The following HDAC4 variants were observed in gnomAD, a reference collection of about 807,000 sequenced individuals.
The protein encoded by HDAC4 is histone deacetylase 4.
In HDAC4, 16 loss-of-function variants were observed where a neutral mutation model predicts 135.1. The ratio of observed to expected loss-of-function variants is 0.12; its 90% CI spans 0.08 to 0.18. The LOEUF is 0.18. HDAC4 is among the 10% of genes least tolerant of loss of function. The probability of loss-of-function intolerance (pLI) is 1.00; values close to 1 mark genes in which losing one functional copy is unlikely to be tolerated. For missense variants in HDAC4, 1,143 were observed against 1,511.8 expected, an observed-to-expected ratio of 0.76 and a Z score of 4.05; for synonymous variants, 685 against 653.4, an observed-to-expected ratio of 1.05 and a Z score of -0.74.
chr2:239,115,087 C>T lies in HDAC4; in HGVS notation c.1757G>A (p.Arg586His), dbSNP rs145994434. Residue 586 changes from arginine (R) to histidine (H), a missense_variant, in exon 13 of 27, where the codon CGC (arginine) becomes CAC (histidine). This residue lies in a region of HDAC4 where 196 missense variants were observed against 210.7 expected (regional missense o/e 0.93). Coordinates refer to ENST00000543185, the MANE Select transcript of HDAC4 (RefSeq NM_001378414.1). The surrounding 1 kb of genome is among the most constrained non-coding windows in gnomAD (Gnocchi z 6.3). The part of the protein sequence containing the change: ...EPPREVEPGQ[R>H]QPSEQELLFR... ...GAGCAGCTCCTGCTCACTGGGCTGGCGCTGGCCCGGCTCCACCTCCCGTGG... is the reference window on the plus strand; with the variant it reads ...GAGCAGCTCCTGCTCACTGGGCTGGTGCTGGCCCGGCTCCACCTCCCGTGG... The T allele has an allele frequency of 2.7e-5, 44 of 1,611,466 alleles. No homozygotes were observed. The highest frequency in any genetic ancestry group is 2.4e-4 in the African/African-American group (18 of 75,060).
chr2:239,333,039 A>G (rs532413616), intron 2 of HDAC4, among the ~76,000 whole-genome samples: 23 of 152,294 alleles, frequency 1.5e-4, no homozygotes, highest in Non-Finnish European at 2.8e-4. Flanking sequence ...AAACAGTCCT[A>G]TATCAGTTGA....
At chr2:239,118,299 G>A (rs910932366) in intron 12 of HDAC4, among the ~76,000 whole-genome samples, 22 of 152,344 alleles carry the variant, frequency 1.4e-4, no homozygotes, top group Non-Finnish European at 2.6e-4. Context: ...TCTCTAAACC[G>A]AAGGCAGCTT....
chr2:239,394,641 G>A (rs1031636358), intron 1 of HDAC4, among the ~76,000 whole-genome samples: 1 of 152,236 alleles, frequency 6.6e-6, no homozygotes, highest in African/African-American at 2.4e-5. Context: ...TCAGGACCAA[G>A]AAGTTCCCAG....
intron 19 of HDAC4, among the ~76,000 whole-genome samples, chr2:239,085,467 C>T (rs527509745): frequency 4.6e-5 from 7 of 152,194 alleles, no homozygotes; most frequent in Non-Finnish European, 4.4e-5. Context: ...GCTCCTGCAG[C>T]GGCTCACGGG....
At chr2:239,109,224 G>C (rs1301974941) in intron 14 of HDAC4, among the ~76,000 whole-genome samples, 1 of 152,228 alleles carries the variant, frequency 6.6e-6, no homozygotes, top group Non-Finnish European at 1.5e-5. Context: ...GTGAACAGAC[G>C]CCTTCCGCAG....
intron 1 of HDAC4, among the ~76,000 whole-genome samples, chr2:239,370,101 G>C (rs892710928): frequency 6.6e-6 from 1 of 152,264 alleles, no homozygotes; most frequent in African/African-American, 2.4e-5. Context: ...CGTCTGCCCT[G>C]TGTCCCCGGG....
At chr2:239,359,520 G>C (rs1348467113) in intron 1 of HDAC4, among the ~76,000 whole-genome samples, 3 of 152,230 alleles carry the variant, frequency 2.0e-5, no homozygotes, top group Non-Finnish European at 4.4e-5. Context: ...CTGGGGTCGG[G>C]TCTAGGATAG....
At chr2:239,102,020 G>A (rs1324165636) in intron 16 of HDAC4, among the ~76,000 whole-genome samples, 3 of 144,666 alleles carry the variant, frequency 2.1e-5, no homozygotes, top group Non-Finnish European at 4.6e-5. Flanking sequence ...GGAAGCCCCC[G>A]GCCCCGGGTC....
chr2:239,385,077 T>A (rs1695696799), intron 1 of HDAC4, among the ~76,000 whole-genome samples: 1 of 152,144 alleles, frequency 6.6e-6, no homozygotes, highest in African/African-American at 2.4e-5. Context: ...TTCCCTTCCA[T>A]CTTGGCTCTC....
intron 2 of HDAC4, among the ~76,000 whole-genome samples, chr2:239,261,649 A>G (rs1439120766): frequency 6.6e-6 from 1 of 152,214 alleles, no homozygotes; most frequent in African/African-American, 2.4e-5. Flanking sequence ...GGCTAGAGAC[A>G]AGGCTGGACA....
intron 2 of HDAC4, among the ~76,000 whole-genome samples, chr2:239,324,916 A>G (rs1020833947): frequency 6.6e-5 from 10 of 152,218 alleles, no homozygotes; most frequent in Non-Finnish European, 1.5e-4. Context: ...CAGCTCAGAC[A>G]CTTCCAAAGC....
rs748547470 is a variant in HDAC4, at chr2:239,386,435, C to T, written c.-220+14543G>A. ...CCACATGACAGAGGTTCAAAACCAC[C>T]TTCCCAAGAGGAGCGTCAGCTGAGG... On this transcript the variant is annotated intron_variant, in intron 1 of 26. Transcript: ENST00000543185. Among the ~76,000 whole-genome samples the T allele has an allele frequency of 2.6e-5, 4 of 152,158 alleles. No homozygotes were observed. In the East Asian group the frequency reaches 7.7e-4, roughly 29 times the overall value.
In HDAC4 at chr2:239,115,245, C is replaced by A; in HGVS notation, c.1599G>T (p.Glu533Asp). 1 of 1,612,928 alleles carries A rather than the reference C, an allele frequency of 6.2e-7. No individual in the cohort carries two copies. The highest frequency in any genetic ancestry group is 1.1e-5 in the South Asian group (1 of 91,046). The change falls in exon 13 of 27, where the codon GAG becomes GAT. Residue 533 changes from glutamate (E) to aspartate (D), a missense_variant. Transcript: ENST00000543185. The surrounding 1 kb of genome is among the most constrained non-coding windows in gnomAD (Gnocchi z 6.3). The part of the protein sequence containing the change: ...PESHPEETEE[E>D]LREHQALLDE... ...CCAGCAGAGCCTGGTGCTCACGGAG[C>A]TCCTCCTCCGTCTCCTCCGGGTGGC...
In HDAC4 at chr2:239,087,541, G is replaced by A. The variant is rs2152710640; in HGVS notation, c.2444+18C>T. On this transcript the variant is annotated intron_variant, in intron 19 of 26. Transcript: ENST00000543185. ...GACCTGGGTTCCCCTGCTGTGCGGG[G>A]CTGCGGCGTGTACTCACATGGGCGT... is the stretch of plus-strand genomic sequence containing the variant. 1 of 1,611,592 alleles carries A rather than the reference G, an allele frequency of 6.2e-7. No homozygotes were observed. Among genetic ancestry groups the A allele is most frequent in the Non-Finnish European group, 8.5e-7 (1 of 1,178,854 alleles).
At chr2:239,131,749 G>A (rs956216853) in intron 11 of HDAC4, among the ~76,000 whole-genome samples, 1 of 152,234 alleles carries the variant, frequency 6.6e-6, no homozygotes, top group African/African-American at 2.4e-5. Context: ...GACCTTCTGT[G>A]ACAATGAGAA....
chr2:239,281,820 T>TGCAAA (rs1386831192), intron 2 of HDAC4, among the ~76,000 whole-genome samples: 1 of 130,962 alleles, frequency 7.6e-6, no homozygotes, highest in African/African-American at 3.0e-5. Flanking sequence ...CACACCACTC[T>TGCAAA]CAATGTACAC....
intron 4 of HDAC4, chr2:239,187,034 T>C (rs560310283): frequency 1.8e-4 from 28 of 152,786 alleles, no homozygotes; most frequent in African/African-American, 5.5e-4. Flanking sequence ...GTCCTAATCA[T>C]GCACTGTGAA....
At chr2:239,356,883 T>C (rs573917244) in intron 1 of HDAC4, among the ~76,000 whole-genome samples, 78 of 151,926 alleles carry the variant, frequency 5.1e-4, no homozygotes, top group African/African-American at 1.7e-3. Context: ...AATAATAATA[T>C]AAAATAATAA....
At chr2:239,189,447 G>C (rs1396399824) in intron 4 of HDAC4, among the ~76,000 whole-genome samples, 1 of 152,000 alleles carries the variant, frequency 6.6e-6, no homozygotes, top group African/African-American at 2.4e-5. Flanking sequence ...ATATAGAAAA[G>C]TCCTAAGGAA....
Sources: gnomAD v4.1 joint callset for allele counts (sites outside exome capture counted in the v4.1 genomes callset) on GRCh38, gnomAD v4.1.1 for gene constraint, gnomAD v4.1.1 regional missense constraint, Gnocchi (gnomAD v3.1) non-coding constraint, MANE v1.5 for transcripts, NCBI Gene and HGNC (gene_info 2026-07-23, HGNC 2026-07-21) for gene names.